PTPN11: variants seen among roughly 807,000 people sequenced by gnomAD.
The protein encoded by PTPN11 is tyrosine-protein phosphatase non-receptor type 11.
In PTPN11, 6 loss-of-function variants were observed where a neutral mutation model predicts 78.8. That is an observed-to-expected ratio of 0.08 (90% CI 0.04 to 0.15). PTPN11 has a LOEUF of 0.15. Ranked by LOEUF, PTPN11 falls within the 10% of genes least tolerant of loss-of-function variation. The pLI is 1.00. For synonymous variants in PTPN11, 221 were observed against 263.5 expected, an observed-to-expected ratio of 0.84 and a Z score of 1.56; for missense variants, 386 against 744.8, an observed-to-expected ratio of 0.52 and a Z score of 5.61.
rs1469816635 is a variant in PTPN11 at position 112,419,181 on chromosome 12, G to A, written c.14+56G>A. 1.3e-5 allele frequency: 19 copies of A among 1,438,950 alleles called. No individual in the cohort carries two copies. The South Asian group carries it at 2.2e-4, about 17-fold the overall frequency. The allele number at this position is 1,438,950 out of a possible 1,614,324, so 89.1% of individuals were successfully genotyped here. A position where few individuals can be genotyped will look rare whatever the true frequency, so the allele number is the denominator to read the frequency against. ...CTCGGCCCGGCCACCGCCGCGTTCG[G>A]TTAGCCCCGTCCGGAAGGGGGCGCC... is the stretch of plus-strand genomic sequence containing the variant. On this transcript the variant is annotated intron_variant, in intron 1 of 15. Transcript: ENST00000351677.
intron 1 of PTPN11, among the ~76,000 whole-genome samples, chr12:112,437,347 C>T (rs1189259904): frequency 6.6e-6 from 1 of 151,308 alleles, no homozygotes; most frequent in Non-Finnish European, 1.5e-5. Flanking sequence ...TTTTTTAGTA[C>T]AGATGGGGTT....
intron 1 of PTPN11, among the ~76,000 whole-genome samples, chr12:112,434,397 C>G (rs1426749649): frequency 3.9e-5 from 6 of 152,078 alleles, no homozygotes; most frequent in Admixed American, 3.3e-4. Context: ...GTCACAAGAT[C>G]AAGAGATCAA....
At chr12:112,461,285 C>A (rs548376081) in intron 6 of PTPN11, among the ~76,000 whole-genome samples, 1 of 150,732 alleles carries the variant, frequency 6.6e-6, no homozygotes, top group Non-Finnish European at 1.5e-5. Context: ...AAAAGCTTTT[C>A]ATCGCCGAGG....
Position 112,506,908 on chromosome 12 carries a change from G to T in PTPN11, c.*1116G>T. 4.9e-6 allele frequency: 1 copy of T among 205,410 alleles called. No homozygotes were observed. The highest frequency in any genetic ancestry group is 1.0e-5 in the Non-Finnish European group (1 of 100,306). The allele number at this position is 205,410 out of a possible 1,614,324, so 12.7% of individuals were successfully genotyped here. On this transcript the variant is annotated 3_prime_UTR_variant, in exon 16 of 16. Coordinates refer to ENST00000351677, the MANE Select transcript of PTPN11 (RefSeq NM_002834.5). ...ATGGCCAGGCCTTCTGAAAACTTAA[G>T]TCCAGAATTGTCACAGTGTCCCTTC...
At chr12:112,425,500 G>A (rs2135827053) in intron 1 of PTPN11, among the ~76,000 whole-genome samples, 1 of 152,202 alleles carries the variant, frequency 6.6e-6, no homozygotes, top group East Asian at 1.9e-4. Flanking sequence ...TTCTGGAGTA[G>A]CAGGTAAGAA....
chr12:112,430,442 A>G (rs554280993), intron 1 of PTPN11, among the ~76,000 whole-genome samples: 1 of 149,250 alleles, frequency 6.7e-6, no homozygotes, highest in African/African-American at 2.5e-5. Flanking sequence ...TTTTGTTTTT[A>G]TCTTGAGACA....
chr12:112,440,523 CA>C (rs1304557771), intron 1 of PTPN11, among the ~76,000 whole-genome samples: 1 of 148,410 alleles, frequency 6.7e-6, no homozygotes, highest in East Asian at 2.0e-4. Flanking sequence ...CTCGGCCTCC[CA>C]AAGTGCCGGG....
intron 13 of PTPN11, among the ~76,000 whole-genome samples, chr12:112,499,921 G>A (rs1314009438): frequency 7.0e-6 from 1 of 142,992 alleles, no homozygotes; most frequent in Non-Finnish European, 1.5e-5. Flanking sequence ...TAGTCTGGGT[G>A]ACAGTGTGAG....
chr12:112,450,365 A>C lies in PTPN11; in HGVS notation c.185A>C (p.Tyr62Ser). The C allele has an allele frequency of 6.2e-7, 1 of 1,613,264 alleles. No individual in the cohort carries two copies. Among genetic ancestry groups the C allele is most frequent in the Non-Finnish European group, 8.5e-7 (1 of 1,179,226 alleles). Reference protein sequence around the residue: ...THIKIQNTGDYYDLYGGEKFA... With the variant: ...THIKIQNTGDSYDLYGGEKFA... ...ATCAAGATTCAGAACACTGGTGATTACTATGACCTGTATGGAGGGGAGAAA... is the reference window on the plus strand; with the variant it reads ...ATCAAGATTCAGAACACTGGTGATTCCTATGACCTGTATGGAGGGGAGAAA... Residue 62 changes from tyrosine to serine, a missense_variant, in exon 3 of 16, where the codon TAC becomes TCC. Coordinates refer to ENST00000351677, the MANE Select transcript of PTPN11 (RefSeq NM_002834.5).
intron 1 of PTPN11, among the ~76,000 whole-genome samples, chr12:112,426,724 T>A (rs1048610408): frequency 1.3e-5 from 2 of 151,842 alleles, no homozygotes; most frequent in Admixed American, 1.3e-4. Context: ...AGTGCTGGTT[T>A]GTGTGTGTGT....
chr12:112,440,562 C>G (rs914855453), intron 1 of PTPN11, among the ~76,000 whole-genome samples: 2 of 127,064 alleles, frequency 1.6e-5, no homozygotes, highest in African/African-American at 5.9e-5. Flanking sequence ...CTGTGCCTGG[C>G]CTTTTTTTTT....
In PTPN11 at chr12:112,482,565, G is replaced by A. The variant is rs1173074760; in HGVS notation, c.1224+360G>A. ...GCCCTGGGTGGGAGACTGGGATAGG[G>A]TGACCTGAGTGGCTACAAGGTCTGT... On this transcript the variant is annotated intron_variant, in intron 10 of 15. Coordinates refer to ENST00000351677, the MANE Select transcript of PTPN11 (RefSeq NM_002834.5). This position sits in a 1 kb window ranked among gnomAD's most constrained non-coding sequence, Gnocchi z 4.4. 6.6e-6 allele frequency among the ~76,000 whole-genome samples: 1 copy of A among 152,166 alleles called. No individual in the cohort carries two copies. Among genetic ancestry groups the A allele is most frequent in the Non-Finnish European group, 1.5e-5 (1 of 68,040 alleles).
intron 1 of PTPN11, among the ~76,000 whole-genome samples, chr12:112,433,613 A>G (rs1322714377): frequency 6.6e-6 from 1 of 152,240 alleles, no homozygotes; most frequent in Non-Finnish European, 1.5e-5. Flanking sequence ...GGGTTAGATT[A>G]TGGATGGCAC....
At chr12:112,425,674 C>T (rs893630647) in intron 1 of PTPN11, among the ~76,000 whole-genome samples, 1 of 152,138 alleles carries the variant, frequency 6.6e-6, no homozygotes, top group Non-Finnish European at 1.5e-5. Context: ...AGTAATTTCT[C>T]ATCCCTCAAA....
Position 112,505,844 on chromosome 12 carries a change from C to G in PTPN11, c.*52C>G, listed in dbSNP as rs2038928947. Reference sequence around the variant, plus strand: ...CCCCAGATGTGGACTTTCACCCTCTCCCTAAAAAGATCAAGAACAGACGCA... The same window carrying G: ...CCCCAGATGTGGACTTTCACCCTCTGCCTAAAAAGATCAAGAACAGACGCA... On this transcript the variant is annotated 3_prime_UTR_variant, in exon 16 of 16. Transcript: ENST00000351677. 1 of 154,588 alleles carries G rather than the reference C, an allele frequency of 6.5e-6. No homozygotes were observed. Among genetic ancestry groups the G allele is most frequent in the African/African-American group, 2.4e-5 (1 of 41,416 alleles). The allele number at this position is 154,588 out of a possible 1,614,324, so 9.6% of individuals were successfully genotyped here.
chr12:112,502,155 G>T lies in PTPN11; in HGVS notation c.1611G>T (p.Arg537Ser). 6.2e-7 allele frequency: 1 copy of T among 1,613,210 alleles called. No individual in the cohort carries two copies. The highest frequency in any genetic ancestry group is 1.1e-5 in the South Asian group (1 of 91,066). The change falls in exon 14 of 16, where the codon AGG becomes AGT. Residue 537 changes from arginine to serine, a missense_variant. This residue lies in a region of PTPN11 where 63 missense variants were observed against 182.2 expected (regional missense o/e 0.35). Coordinates refer to ENST00000351677, the MANE Select transcript of PTPN11 (RefSeq NM_002834.5). ...RRIEEEQKSK[R>S]KGHEYTNIKY... ...CTTCCAAATTTCAGAAAAGCAAGAG[G>T]AAAGGGCACGAATATACAAATATTA...
intron 7 of PTPN11, among the ~76,000 whole-genome samples, chr12:112,476,412 G>C (rs373745608): frequency 6.6e-6 from 1 of 152,112 alleles, no homozygotes; most frequent in African/African-American, 2.4e-5. Context: ...ATAGACTTTT[G>C]TACAGAATTT....
chr12:112,434,650 GA>G, intron 1 of PTPN11, among the ~76,000 whole-genome samples: 1 of 152,030 alleles, frequency 6.6e-6, no homozygotes, highest in Non-Finnish European at 1.5e-5. Context: ...TGTAGTATGT[GA>G]AAAAATCAGG....
Position 112,450,342 on chromosome 12 carries a change from C to T in PTPN11, c.162C>T (p.Ile54=), listed in dbSNP as rs1207829516. 11 of 1,612,512 alleles carry T rather than the reference C, an allele frequency of 6.8e-6. No individual in the cohort carries two copies. In the East Asian group the frequency reaches 2.5e-4, roughly 36 times the overall value. ...SVRRNGAVTH[I]KIQNTGDYYD... ...GAAGAAATGGAGCTGTCACCCACAT[C>T]AAGATTCAGAACACTGGTGATTACT... The change falls in exon 3 of 16, where the codon ATC becomes ATT. Residue 54 remains isoleucine, a synonymous_variant. Transcript: ENST00000351677.
Sources: gnomAD v4.1 joint callset for allele counts (sites outside exome capture counted in the v4.1 genomes callset) on GRCh38, gnomAD v4.1.1 for gene constraint, gnomAD v4.1.1 regional missense constraint, Gnocchi (gnomAD v3.1) non-coding constraint, MANE v1.5 for transcripts, NCBI Gene and HGNC (gene_info 2026-07-23, HGNC 2026-07-21) for gene names.